Variants in MIPEP observed in about 807,000 individuals in gnomAD.
MIPEP encodes mitochondrial intermediate peptidase.
MIPEP carries 79 observed loss-of-function variants against 90.3 expected under a neutral mutation model. The ratio of observed to expected loss-of-function variants is 0.87; its 90% CI spans 0.73 to 1.05. MIPEP has a LOEUF of 1.05. MIPEP is among the 50% of genes least tolerant of loss of function. The probability of loss-of-function intolerance (pLI) is 0.00; values close to 1 mark genes in which losing one functional copy is unlikely to be tolerated. For synonymous variants in MIPEP, 334 were observed against 315.8 expected, an observed-to-expected ratio of 1.06 and a Z score of -0.61; for missense variants, 940 against 905.6, an observed-to-expected ratio of 1.04 and a Z score of -0.49.
intron 4 of MIPEP, among the ~76,000 whole-genome samples, chr13:23,877,889 GCTTTT>G (rs1871132820): frequency 6.6e-6 from 1 of 152,026 alleles, no homozygotes; most frequent in Admixed American, 6.5e-5. Context: ...CTTCCAAGTT[GCTTTT>G]CTTTTCTAGA....
intron 14 of MIPEP, among the ~76,000 whole-genome samples, chr13:23,831,594 T>C (rs902606783): frequency 1.3e-5 from 2 of 152,132 alleles, no homozygotes; most frequent in Admixed American, 1.3e-4. Flanking sequence ...GGGAACCTGA[T>C]GCATATGTAA....
intron 14 of MIPEP, among the ~76,000 whole-genome samples, chr13:23,834,313 C>T (rs1465036214): frequency 6.6e-6 from 1 of 152,204 alleles, no homozygotes; most frequent in Non-Finnish European, 1.5e-5. Context: ...GAAGACCCAA[C>T]CCATATGCCC....
intron 18 of MIPEP, among the ~76,000 whole-genome samples, chr13:23,740,709 T>C (rs1164032966): frequency 6.6e-6 from 1 of 152,214 alleles, no homozygotes; most frequent in Non-Finnish European, 1.5e-5. Flanking sequence ...ATGCCTGATT[T>C]CTACTCCCCA....
In MIPEP at chr13:23,839,717, GAAC is replaced by G. The variant is rs1284929749; in HGVS notation, c.1267_1269del (p.Val423del). On this transcript the variant is annotated inframe_deletion, in exon 12 of 19. Coordinates refer to ENST00000382172, the MANE Select transcript of MIPEP (RefSeq NM_005932.4). Reference sequence around the variant, plus strand: ...TACCCCAACAATCCTTCAGATTCATGAACAACAGCCTAGAAAAAAAAATTTAAA... The same window carrying G: ...TACCCCAACAATCCTTCAGATTCATGAACAGCCTAGAAAAAAAAATTTAAA... 1.2e-6 allele frequency: 2 copies of G among 1,609,854 alleles called. No homozygotes were observed. Among genetic ancestry groups the G allele is most frequent in the African/African-American group, 1.3e-5 (1 of 74,622 alleles).
chr13:23,768,519 C>T (rs936528019), intron 16 of MIPEP, among the ~76,000 whole-genome samples: 10 of 152,106 alleles, frequency 6.6e-5, no homozygotes, highest in African/African-American at 2.4e-4. Context: ...AATTTGAAAC[C>T]AGCATGGGTA....
At chr13:23,848,823 C>G (rs187025385) in intron 10 of MIPEP, among the ~76,000 whole-genome samples, 1 of 152,314 alleles carries the variant, frequency 6.6e-6, no homozygotes, top group East Asian at 1.9e-4. Flanking sequence ...CCTCTCCACA[C>G]CCTCAGTGAC....
At chr13:23,876,015 C>T (rs1251982292) in intron 4 of MIPEP, among the ~76,000 whole-genome samples, 2 of 152,046 alleles carry the variant, frequency 1.3e-5, no homozygotes, top group East Asian at 3.9e-4. Flanking sequence ...TTTTACTCTC[C>T]CACTCCCATG....
chr13:23,836,222 C>T lies in MIPEP; in HGVS notation c.1653+18G>A. 6.7e-7 allele frequency: 1 copy of T among 1,491,468 alleles called. No individual in the cohort carries two copies. Among genetic ancestry groups the T allele is most frequent in the Non-Finnish European group, 9.1e-7 (1 of 1,102,480 alleles). The allele number at this position is 1,491,468 out of a possible 1,614,324, so 92.4% of individuals were successfully genotyped here. A position where few individuals can be genotyped will look rare whatever the true frequency, so the allele number is the denominator to read the frequency against. Reference sequence around the variant, plus strand: ...TATCACAACCCAAAGGACAAGACGACAATATTACTGTTCCTACCTGTCCAG... The same window carrying T: ...TATCACAACCCAAAGGACAAGACGATAATATTACTGTTCCTACCTGTCCAG... On this transcript the variant is annotated intron_variant, in intron 14 of 18. Coordinates refer to ENST00000382172, the MANE Select transcript of MIPEP (RefSeq NM_005932.4).
At chr13:23,842,714 T>C (rs750155597) in intron 10 of MIPEP, 1 of 152,520 alleles carries the variant, frequency 6.6e-6, no homozygotes, top group Non-Finnish European at 1.5e-5. Flanking sequence ...CATGAACGAA[T>C]GAGCACTGCA....
At chr13:23,885,555 C>T (rs1871439316) in intron 2 of MIPEP, among the ~76,000 whole-genome samples, 1 of 151,486 alleles carries the variant, frequency 6.6e-6, no homozygotes. Flanking sequence ...ATCTCATGTA[C>T]CTCATGAATA....
intron 16 of MIPEP, among the ~76,000 whole-genome samples, chr13:23,767,077 G>A (rs779275711): frequency 2.6e-5 from 4 of 152,272 alleles, no homozygotes; most frequent in South Asian, 2.1e-4. Flanking sequence ...AGAGCCAACC[G>A]GTAAGAAGCC....
intron 18 of MIPEP, among the ~76,000 whole-genome samples, chr13:23,750,343 A>G (rs1041870535): frequency 3.3e-5 from 5 of 152,154 alleles, no homozygotes; most frequent in African/African-American, 1.2e-4. Flanking sequence ...ACCATACTAC[A>G]TGTAGCTGCC....
chr13:23,845,942 G>T (rs1386071173), intron 10 of MIPEP, among the ~76,000 whole-genome samples: 4 of 147,770 alleles, frequency 2.7e-5, no homozygotes, highest in Non-Finnish European at 5.9e-5. Flanking sequence ...TTTTTGAGAC[G>T]GAGTCATGCT....
At chr13:23,869,152 A>G (rs1343039985) in intron 7 of MIPEP, 140 bp downstream of exon 7, 1 of 756,304 alleles carries the variant, frequency 1.3e-6, no homozygotes, top group East Asian at 2.9e-5. Context: ...AATGGTTCCT[A>G]TAAAAATACA....
In MIPEP at chr13:23,730,399, G is replaced by T; in HGVS notation, c.2091C>A (p.Leu697=). ...CGAAGTCCAGATCCAAGTCGGAAAC[G>T]AGGGCACTTACGAAGTCATCAACAG... The part of the protein sequence containing the change: ...CPSVDDFVSA[L]VSDLDLDFET... The change falls in exon 19 of 19, where the codon CTC becomes CTA. Residue 697 remains leucine (L), a synonymous_variant. Transcript: ENST00000382172. The T allele has an allele frequency of 6.2e-7, 1 of 1,612,802 alleles. No homozygotes were observed. Among genetic ancestry groups the T allele is most frequent in the Non-Finnish European group, 8.5e-7 (1 of 1,179,144 alleles).
chr13:23,750,893 C>G (rs1238779212), intron 18 of MIPEP, among the ~76,000 whole-genome samples: 1 of 152,150 alleles, frequency 6.6e-6, no homozygotes, highest in Non-Finnish European at 1.5e-5. Flanking sequence ...TTTCAGTGGG[C>G]CCCTGCTGCG....
intron 18 of MIPEP, among the ~76,000 whole-genome samples, chr13:23,755,688 T>A (rs1049558164): frequency 6.6e-6 from 1 of 152,138 alleles, no homozygotes; most frequent in East Asian, 1.9e-4. Flanking sequence ...ACATGAAAAA[T>A]CATGATGATC....
chr13:23,876,112 A>G (rs538948983), intron 4 of MIPEP, among the ~76,000 whole-genome samples: 254 of 152,316 alleles, frequency 1.7e-3, no homozygotes, highest in African/African-American at 5.6e-3. Context: ...ATCACAAAGT[A>G]TGCACATTGA....
At chr13:23,743,658 C>A (rs1358527188) in intron 18 of MIPEP, among the ~76,000 whole-genome samples, 1 of 152,160 alleles carries the variant, frequency 6.6e-6, no homozygotes, top group Admixed American at 6.6e-5. Context: ...ACATATGTGC[C>A]CTGTTTACAC....
Sources: gnomAD v4.1 joint callset for allele counts (sites outside exome capture counted in the v4.1 genomes callset) on GRCh38, gnomAD v4.1.1 for gene constraint, MANE v1.5 for transcripts, NCBI Gene and HGNC (gene_info 2026-07-23, HGNC 2026-07-21) for gene names.